The following FAM163A variants were observed in gnomAD, a reference collection of about 807,000 sequenced individuals.
The protein encoded by FAM163A is protein FAM163A.
A neutral mutation model predicts 12.0 loss-of-function variants in FAM163A; 7 were observed. The ratio of observed to expected loss-of-function variants is 0.58; its 90% CI spans 0.33 to 1.10. The LOEUF is 1.10. FAM163A is among the 50% of genes least tolerant of loss of function. The pLI, the probability that FAM163A is intolerant of heterozygous loss-of-function variation, is 0.03. For synonymous variants in FAM163A, 101 were observed against 91.0 expected (o/e 1.11, Z -0.62); for missense variants, 202 against 218.6 (o/e 0.92, Z 0.48).
chr1:179,748,378 TAA>T (rs1362971322), intron 1 of FAM163A, among the ~76,000 whole-genome samples: 2 of 151,846 alleles, frequency 1.3e-5, no homozygotes, highest in Admixed American at 1.3e-4. Flanking sequence ...CAAGGAGAGG[TAA>T]AGTCAGGGAG....
At chr1:179,761,081 A>G (rs561307138) in intron 1 of FAM163A, among the ~76,000 whole-genome samples, 11 of 150,148 alleles carry the variant, frequency 7.3e-5, no homozygotes, top group East Asian at 1.9e-4. Flanking sequence ...AGCCATTTAA[A>G]TGATGTAGAA....
chr1:179,736,342 AT>A, the FAM163A span, among the ~76,000 whole-genome samples: 4 of 148,130 alleles, frequency 2.7e-5, no homozygotes, highest in Non-Finnish European at 3.0e-5. Context: ...AAAAAAAAAA[AT>A]AACCCAACTA....
chr1:179,765,844 C>T (rs149415262), intron 1 of FAM163A, among the ~76,000 whole-genome samples: 43 of 152,226 alleles, frequency 2.8e-4, no homozygotes, highest in African/African-American at 9.4e-4. Context: ...AGTGTGACTA[C>T]AGGAGGTTCA....
chr1:179,740,123 G>C (rs1035470542), upstream of FAM163A, among the ~76,000 whole-genome samples: 2 of 152,182 alleles, frequency 1.3e-5, no homozygotes, highest in Admixed American at 6.5e-5. Context: ...GAAAATGTAT[G>C]CTCACTTGTA....
At chr1:179,769,665 A>G (rs7549144) in intron 1 of FAM163A, among the ~76,000 whole-genome samples, 17,320 of 152,102 alleles carry the variant, frequency 0.11, 1,092 homozygotes, top group Non-Finnish European at 0.13. Context: ...CAGCAGATGT[A>G]TGTAGCCCCG....
intron 1 of FAM163A, among the ~76,000 whole-genome samples, chr1:179,778,330 GGTGAGCCCAAGGCCTTACACAGCT>G (rs1470989851): frequency 6.6e-6 from 1 of 152,142 alleles, no homozygotes; most frequent in South Asian, 2.1e-4. Flanking sequence ...GGTGAAAATG[GGTGAGCCCAAGGCCTTACACAGCT>G]GTGATCAGTT....
At chr1:179,773,307 C>T (rs145714645) in intron 1 of FAM163A, among the ~76,000 whole-genome samples, 23 of 151,944 alleles carry the variant, frequency 1.5e-4, no homozygotes, top group Admixed American at 3.3e-4. Flanking sequence ...CACAAATCTA[C>T]GCAAGTGATA....
intron 1 of FAM163A, among the ~76,000 whole-genome samples, chr1:179,765,221 CGGGT>C (rs1168975262): frequency 6.6e-6 from 1 of 152,154 alleles, no homozygotes; most frequent in Non-Finnish European, 1.5e-5. Flanking sequence ...GGATGGCAGG[CGGGT>C]GGGATGTGAT....
In FAM163A at chr1:179,749,099, G is replaced by A. The variant is rs1684903464; in HGVS notation, c.-136+5676G>A. 2.0e-5 allele frequency among the ~76,000 whole-genome samples: 3 copies of A among 152,216 alleles called. 1 individual carries two copies. Among genetic ancestry groups the A allele is most frequent in the East Asian group, 3.8e-4 (2 of 5,200 alleles). ...AGTGGGAAGGTAGCAGAACACTGGA[G>A]TAAGAGTGCTGGTGATGAGGATTCG... On this transcript the variant is annotated intron_variant, in intron 1 of 4. Transcript: ENST00000341785.
chr1:179,754,415 G>C (rs905653988), intron 1 of FAM163A, among the ~76,000 whole-genome samples: 35 of 152,126 alleles, frequency 2.3e-4, no homozygotes, highest in Admixed American at 2.0e-3. Context: ...AGATGAAGAG[G>C]AATGGTTCCA....
intron 1 of FAM163A, among the ~76,000 whole-genome samples, chr1:179,791,378 G>A (rs781665096): frequency 6.6e-6 from 1 of 152,296 alleles, no homozygotes; most frequent in Non-Finnish European, 1.5e-5. Flanking sequence ...CCGGGCCCAT[G>A]CAGGCCTCTT....
At chr1:179,731,221 G>A in the FAM163A span, among the ~76,000 whole-genome samples, 1 of 152,120 alleles carries the variant, frequency 6.6e-6, no homozygotes, top group Admixed American at 6.5e-5. Context: ...TCATATTGGA[G>A]GGTTAAAACA....
intron 1 of FAM163A, among the ~76,000 whole-genome samples, chr1:179,758,754 C>G (rs1180674367): frequency 6.6e-6 from 1 of 152,204 alleles, no homozygotes; most frequent in Non-Finnish European, 1.5e-5. Context: ...TGGTAAATAA[C>G]TACTTCCTGG....
At chr1:179,760,888 C>T (rs1225884492) in intron 1 of FAM163A, among the ~76,000 whole-genome samples, 2 of 152,204 alleles carry the variant, frequency 1.3e-5, no homozygotes, top group African/African-American at 4.8e-5. Flanking sequence ...TCTTCCCACC[C>T]CACTCCTGGC....
At chr1:179,760,748 T>C (rs1371060630) in intron 1 of FAM163A, among the ~76,000 whole-genome samples, 1 of 152,176 alleles carries the variant, frequency 6.6e-6, no homozygotes, top group Non-Finnish European at 1.5e-5. Flanking sequence ...CACTGTCTGG[T>C]CTTCTCCAAT....
intron 1 of FAM163A, among the ~76,000 whole-genome samples, chr1:179,749,578 G>A (rs570043406): frequency 5.3e-5 from 8 of 152,310 alleles, no homozygotes; most frequent in Admixed American, 1.3e-4. Flanking sequence ...TAGGCCAGGC[G>A]CGGTGGCCTA....
chr1:179,799,492 G>C (rs1692849916), intron 1 of FAM163A, among the ~76,000 whole-genome samples: 2 of 152,274 alleles, frequency 1.3e-5, no homozygotes, highest in Admixed American at 1.3e-4. Flanking sequence ...GAACGACTCT[G>C]GTCATGGAAG....
At chr1:179,738,694 A>G (rs1272979510), upstream of FAM163A, among the ~76,000 whole-genome samples, 6 of 152,224 alleles carry the variant, frequency 3.9e-5, no homozygotes, top group Admixed American at 3.9e-4. Context: ...AAAAATACAA[A>G]TAGAAGGCAA....
the FAM163A span, among the ~76,000 whole-genome samples, chr1:179,735,089 C>T: frequency 5.8e-4 from 88 of 152,262 alleles, no homozygotes; most frequent in Admixed American, 5.5e-3. Flanking sequence ...CTTGATGTAG[C>T]TCTGTAAATC....
Sources: gnomAD v4.1 joint callset for allele counts (sites outside exome capture counted in the v4.1 genomes callset) on GRCh38, gnomAD v4.1.1 for gene constraint, MANE v1.5 for transcripts, NCBI Gene and HGNC (gene_info 2026-07-23, HGNC 2026-07-21) for gene names.